EIF3A: variants seen among roughly 807,000 people sequenced by gnomAD.
The protein encoded by EIF3A is eukaryotic translation initiation factor 3 subunit A.
A neutral mutation model predicts 186.6 loss-of-function variants in EIF3A; 21 were observed. That is an observed-to-expected ratio of 0.11 (90% CI 0.08 to 0.16). The LOEUF (loss-of-function observed/expected upper bound fraction) is 0.16. EIF3A is among the 10% of genes least tolerant of loss of function. The probability of loss-of-function intolerance (pLI) is 1.00; values close to 1 mark genes in which losing one functional copy is unlikely to be tolerated. For synonymous variants in EIF3A, 563 were observed against 584.3 expected, an observed-to-expected ratio of 0.96 and a Z score of 0.52; for missense variants, 1,306 against 1,796.3, an observed-to-expected ratio of 0.73 and a Z score of 4.93.
Position 119,058,307 on chromosome 10 carries a change from C to G in EIF3A, c.1630-4G>C. On this transcript the variant is annotated splice_polypyrimidine_tract_variant and splice_region_variant and intron_variant, in intron 11 of 21. Transcript: ENST00000369144. ...GATGCTGTTCTTCTTTCTCTTGCTT[C>G]AAAAACAAATGAATTTTTTTACATG... The G allele has an allele frequency of 6.5e-7, 1 of 1,546,900 alleles. No homozygotes were observed. Among genetic ancestry groups the G allele is most frequent in the Non-Finnish European group, 8.7e-7 (1 of 1,149,512 alleles).
intron 16 of EIF3A, 38 bp from the exon 17 acceptor site, chr10:119,050,023 C>T: frequency 6.3e-7 from 1 of 1,592,886 alleles, no homozygotes; most frequent in Non-Finnish European, 8.6e-7. Context: ...TGCCTCCCAG[C>T]CATATCTTCC....
rs554670970 is a variant in EIF3A, at chr10:119,079,228, T to C, written c.49+1400A>G. On this transcript the variant is annotated intron_variant, in intron 1 of 21. Coordinates refer to ENST00000369144, the MANE Select transcript of EIF3A (RefSeq NM_003750.4). ...GAATGAATTAGTGCTCACATCTATG[T>C]TGTAGTTTCAATAGGTTTTTAAAAC... is the stretch of plus-strand genomic sequence containing the variant. Among the ~76,000 whole-genome samples the C allele has an allele frequency of 3.2e-4, 48 of 152,350 alleles. No individual in the cohort carries two copies. In the South Asian group the frequency reaches 5.4e-3, roughly 17 times the overall value.
chr10:119,053,659 G>A (rs1399815176), intron 14 of EIF3A, among the ~76,000 whole-genome samples: 1 of 151,780 alleles, frequency 6.6e-6, no homozygotes, highest in African/African-American at 2.4e-5. Context: ...GGTAGATACT[G>A]TAGGGAGCTG....
intron 10 of EIF3A, 86 bp from the exon 11 acceptor site, chr10:119,059,483 GA>G: frequency 4.6e-6 from 6 of 1,298,560 alleles, no homozygotes; most frequent in Non-Finnish European, 4.3e-6. Context: ...ACAAAAGCTG[GA>G]AAAGTTCACT....
At chr10:119,043,933 C>T (rs1848248993) in intron 18 of EIF3A, 121 bp downstream of exon 18, 1 of 763,488 alleles carries the variant, frequency 1.3e-6, no homozygotes, top group Non-Finnish European at 2.3e-6. Flanking sequence ...CGCAATCAGA[C>T]ATGCACACAA....
At chr10:119,059,819 G>A (rs780217847) in intron 9 of EIF3A, 101 bp from the exon 10 acceptor site, 3 of 767,624 alleles carry the variant, frequency 3.9e-6, no homozygotes, top group Non-Finnish European at 6.9e-6. Context: ...TTATGCCAGA[G>A]AATTTATGTT....
intron 1 of EIF3A, 150 bp from the exon 2 acceptor site, chr10:119,074,087 T>TATCAAAAGTAAAACA: frequency 1.6e-6 from 1 of 634,862 alleles, no homozygotes; most frequent in South Asian, 2.8e-5. Context: ...ATGCCATAAT[T>TATCAAAAGTAAAACA]ATCAAAAGTA....
At position 119,035,257 on chromosome 10, in the gene EIF3A, C is replaced by G. The variant is rs547940813; in HGVS notation, c.*782G>C. ...ATTTAAACGATTCCTCCAAACCATA[C>G]ATTTATAAATATTGTCATATTTAAA... On this transcript the variant is annotated 3_prime_UTR_variant, in exon 22 of 22. Coordinates refer to ENST00000369144, the MANE Select transcript of EIF3A (RefSeq NM_003750.4). 1 of 152,498 alleles carries G rather than the reference C, an allele frequency of 6.6e-6. No homozygotes were observed. The highest frequency in any genetic ancestry group is 1.5e-5 in the Non-Finnish European group (1 of 68,032). 9.4% of individuals were successfully genotyped at this position (152,498 alleles called of 1,614,324 possible).
At chr10:119,037,002 A>G in intron 21 of EIF3A, 117 bp downstream of exon 21, 1 of 727,958 alleles carries the variant, frequency 1.4e-6, no homozygotes, top group Non-Finnish European at 2.3e-6. Flanking sequence ...TAAATAGAAT[A>G]TCAACTCTCT....
chr10:119,078,056 T>G (rs752251227), intron 1 of EIF3A, among the ~76,000 whole-genome samples: 1 of 152,214 alleles, frequency 6.6e-6, no homozygotes, highest in Non-Finnish European at 1.5e-5. Flanking sequence ...AAAGTATGTA[T>G]AAAGAAGTTT....
intron 7 of EIF3A, among the ~76,000 whole-genome samples, chr10:119,064,575 C>T (rs180769019): frequency 1.3e-5 from 2 of 152,310 alleles, no homozygotes; most frequent in Admixed American, 1.3e-4. Flanking sequence ...GCTTCCCGTT[C>T]CCCTTCCACC....
At position 119,061,344 on chromosome 10, in the gene EIF3A, C is replaced by CA; in HGVS notation, c.1123-17dup. ...TAAATCTGACCTACAGTAAGCAAAA[C>CA]AAAAGATGTAACTGCCAAAGGAAAT... On this transcript the variant is annotated splice_polypyrimidine_tract_variant and intron_variant, in intron 7 of 21. Coordinates refer to ENST00000369144, the MANE Select transcript of EIF3A (RefSeq NM_003750.4). 1.7e-6 allele frequency: 2 copies of CA among 1,208,454 alleles called. No homozygotes were observed. Among genetic ancestry groups the CA allele is most frequent in the Non-Finnish European group, 2.3e-6 (2 of 851,736 alleles). 74.9% of individuals were successfully genotyped at this position (1,208,454 alleles called of 1,614,324 possible).
At chr10:119,048,304 T>C (rs1848308276) in intron 17 of EIF3A, among the ~76,000 whole-genome samples, 2 of 151,954 alleles carry the variant, frequency 1.3e-5, no homozygotes, top group Admixed American at 1.3e-4. Context: ...CCAACAAGTA[T>C]TGCAAGCAAG....
At chr10:119,039,943 G>A (rs1321257347) in intron 19 of EIF3A, among the ~76,000 whole-genome samples, 1 of 152,156 alleles carries the variant, frequency 6.6e-6, no homozygotes, top group African/African-American at 2.4e-5. Context: ...CTAGGAACAT[G>A]AGTTCAGTAT....
rs913195239 is a variant in EIF3A at position 119,034,532 on chromosome 10, C to T, written c.*1507G>A. The T allele has an allele frequency of 4.6e-5, 7 of 152,138 alleles. No individual in the cohort carries two copies. Among genetic ancestry groups the T allele is most frequent in the African/African-American group, 1.7e-4 (7 of 41,424 alleles). The allele number at this position is 152,138 out of a possible 1,614,324, so 9.4% of individuals were successfully genotyped here. A position where few individuals can be genotyped will look rare whatever the true frequency, so the allele number is the denominator to read the frequency against. Reference sequence around the variant, plus strand: ...CACGAAAGACCTTTAAAGACTTCTACGTATTTGAAATACCAGATACTAAGG... The same window carrying T: ...CACGAAAGACCTTTAAAGACTTCTATGTATTTGAAATACCAGATACTAAGG... On this transcript the variant is annotated 3_prime_UTR_variant, in exon 22 of 22. Transcript: ENST00000369144.
At chr10:119,062,297 T>G (rs1450042885) in intron 7 of EIF3A, among the ~76,000 whole-genome samples, 1 of 152,226 alleles carries the variant, frequency 6.6e-6, no homozygotes, top group Non-Finnish European at 1.5e-5. Flanking sequence ...TGTGAAAGGC[T>G]GCCATAATCT....
chr10:119,068,800 C>CT (rs1446963535), intron 6 of EIF3A, among the ~76,000 whole-genome samples: 1 of 151,924 alleles, frequency 6.6e-6, no homozygotes, highest in Non-Finnish European at 1.5e-5. Context: ...TGGTAAAACT[C>CT]TGTCTCTACT....
intron 4 of EIF3A, 69 bp downstream of exon 4, chr10:119,072,821 A>C: frequency 6.6e-7 from 1 of 1,524,152 alleles, no homozygotes; most frequent in Non-Finnish European, 8.8e-7. Context: ...CATTTTAAGT[A>C]CTTTTCAGAA....
At chr10:119,041,918 A>G in intron 19 of EIF3A, 76 bp downstream of exon 19, 1 of 1,427,800 alleles carries the variant, frequency 7.0e-7, no homozygotes, top group South Asian at 1.3e-5. Flanking sequence ...ATAACAATAC[A>G]GCCCTGATAT....
Sources: gnomAD v4.1 joint callset for allele counts (sites outside exome capture counted in the v4.1 genomes callset) on GRCh38, gnomAD v4.1.1 for gene constraint, MANE v1.5 for transcripts, NCBI Gene and HGNC (gene_info 2026-07-23, HGNC 2026-07-21) for gene names.